The following RPS6KL1 variants were observed in gnomAD, a reference collection of about 807,000 sequenced individuals.
RPS6KL1 encodes the protein ribosomal protein S6 kinase-like 1.
RPS6KL1 carries 41 observed loss-of-function variants against 57.0 expected under a neutral mutation model. The ratio of observed to expected loss-of-function variants is 0.72; its 90% CI spans 0.56 to 0.93. The LOEUF is 0.93. RPS6KL1 is among the 40% of genes least tolerant of loss of function. The pLI is 0.00. For missense variants in RPS6KL1, 697 were observed against 727.7 expected (o/e 0.96, Z 0.49); for synonymous variants, 287 against 309.7 (o/e 0.93, Z 0.77).
rs1010908290 is a variant in RPS6KL1 at position 74,906,231 on chromosome 14, C to T, written c.*783G>A. 3.1e-5 allele frequency: 9 copies of T among 291,212 alleles called. No individual in the cohort carries two copies. Among genetic ancestry groups the T allele is most frequent in the Non-Finnish European group, 6.2e-5 (9 of 145,792 alleles). The allele number at this position is 291,212 out of a possible 1,614,324, so 18.0% of individuals were successfully genotyped here. ...CTCTTGCACCCCTGGGGCAGGCTGC[C>T]CCTCTTCCCCCACACAGGCCCACTG... On this transcript the variant is annotated 3_prime_UTR_variant, in exon 12 of 12. Coordinates refer to ENST00000557413, the MANE Select transcript of RPS6KL1 (RefSeq NM_031464.5).
At position 74,909,566 on chromosome 14, in the gene RPS6KL1, C is replaced by T; in HGVS notation, c.1247G>A (p.Gly416Glu). Reference protein sequence around the residue: ...QGVLCRDLHPGNLLLDQAGHI... With the variant: ...QGVLCRDLHPENLLLDQAGHI... Reference sequence around the variant, plus strand: ...ACCTGCCTGGTCCAGGAGCAGGTTCCCGGGGTGGAGGTCCCGGCACAGCAC... The same window carrying T: ...ACCTGCCTGGTCCAGGAGCAGGTTCTCGGGGTGGAGGTCCCGGCACAGCAC... The change falls in exon 8 of 12, where the codon GGG becomes GAG. Residue 416 changes from glycine (G) to glutamate (E), a missense_variant. Gly to Glu is a moderately conservative substitution (Grantham distance 98). Transcript: ENST00000557413. The T allele has an allele frequency of 6.2e-7, 1 of 1,607,510 alleles. No individual in the cohort carries two copies. Among genetic ancestry groups the T allele is most frequent in the Non-Finnish European group, 8.5e-7 (1 of 1,176,796 alleles).
chr14:74,912,093 T>G (rs1464446262), intron 5 of RPS6KL1, among the ~76,000 whole-genome samples: 1 of 152,186 alleles, frequency 6.6e-6, no homozygotes, highest in East Asian at 1.9e-4. Flanking sequence ...CTGGGGTCCC[T>G]AATCTGCCTC....
intron 10 of RPS6KL1, among the ~76,000 whole-genome samples, 162 bp from the exon 11 acceptor site, chr14:74,907,692 T>G (rs1594900936): frequency 2.0e-5 from 3 of 152,316 alleles, no homozygotes; most frequent in Admixed American, 2.0e-4. Flanking sequence ...AAGCAGTGCC[T>G]TTATGTTATC....
intron 3 of RPS6KL1, 39 bp downstream of exon 3, chr14:74,921,238 T>TGGCCCCC: frequency 6.0e-6 from 5 of 840,176 alleles, no homozygotes; most frequent in Non-Finnish European, 8.2e-6. Context: ...CACTGGCCCT[T>TGGCCCCC]CCCCACCCAC....
At chr14:74,921,683 A>G in intron 2 of RPS6KL1, 122 bp from the exon 3 acceptor site, 1 of 1,451,788 alleles carries the variant, frequency 6.9e-7, no homozygotes. Context: ...AAGGGGTCAG[A>G]GCTAAAGTGG....
In RPS6KL1 at chr14:74,909,936, C is replaced by A. The variant is rs751645602; in HGVS notation, c.877G>T (p.Ala293Ser). 3.7e-6 allele frequency: 6 copies of A among 1,614,018 alleles called. No homozygotes were observed. Among genetic ancestry groups the A allele is most frequent in the East Asian group, 4.5e-5 (2 of 44,890 alleles). Reference protein sequence around the residue: ...TSPNLLLAGEAPSTRPQREAE... With the variant: ...TSPNLLLAGESPSTRPQREAE... ...TCCCTCTGGGGTCTGGTGGATGGGGCCTCCCCAGCTAGGAGAAGGTTCGGA... is the reference window on the plus strand; with the variant it reads ...TCCCTCTGGGGTCTGGTGGATGGGGACTCCCCAGCTAGGAGAAGGTTCGGA... The change falls in exon 8 of 12, where the codon GCC becomes TCC. Residue 293 changes from alanine to serine, a missense_variant. Coordinates refer to ENST00000557413, the MANE Select transcript of RPS6KL1 (RefSeq NM_031464.5).
At chr14:74,918,645 C>CGG in intron 4 of RPS6KL1, 40 bp from the exon 5 acceptor site, 1 of 1,475,134 alleles carries the variant, frequency 6.8e-7, no homozygotes, top group Non-Finnish European at 9.1e-7. Flanking sequence ...GCCTCAGGGC[C>CGG]GAGCCCTCCT....
At position 74,910,126 on chromosome 14, in the gene RPS6KL1, C is replaced by G; in HGVS notation, c.687G>C (p.Leu229=). The part of the protein sequence containing the change: ...HVQGGTLWSH[L]LSQAHSRHSG... ...AATGTCGGGAGTGCGCCTGGGAGAG[C>G]AGGTGGGACCAGAGAGTGCCTCCTG... Residue 229 remains leucine (L), a synonymous_variant, in exon 8 of 12, where the codon CTG becomes CTC. Transcript: ENST00000557413. 4 of 1,553,980 alleles carry G rather than the reference C, an allele frequency of 2.6e-6. No individual in the cohort carries two copies. The highest frequency in any genetic ancestry group is 2.6e-6 in the Non-Finnish European group (3 of 1,153,260).
chr14:74,907,125 C>T lies in RPS6KL1; in HGVS notation c.1540-1G>A. On this transcript the variant is annotated splice_acceptor_variant, in intron 11 of 11. Transcript: ENST00000557413. LOFTEE classifies it high-confidence loss of function. The stretch of plus-strand genomic sequence containing the variant: ...GCCGGGTAGGCTCGAACTGCAGCAG[C>T]TGCAGAGAGAGGCCCAGTCAGCTGG... 2 of 1,607,178 alleles carry T rather than the reference C, an allele frequency of 1.2e-6. No individual in the cohort carries two copies. Among genetic ancestry groups the T allele is most frequent in the Admixed American group, 3.4e-5 (2 of 58,952 alleles).
intron 5 of RPS6KL1, among the ~76,000 whole-genome samples, chr14:74,913,580 A>C (rs1886371439): frequency 6.6e-6 from 1 of 151,592 alleles, no homozygotes; most frequent in Non-Finnish European, 1.5e-5. Flanking sequence ...ACAACAAAAA[A>C]CAAAAAACCA....
chr14:74,909,555 G>T lies in RPS6KL1; in HGVS notation c.1258C>A (p.Leu420Met). Residue 420 changes from leucine to methionine, a missense_variant, in exon 8 of 12, where the codon CTG (leucine) becomes ATG (methionine). Coordinates refer to ENST00000557413, the MANE Select transcript of RPS6KL1 (RefSeq NM_031464.5). The part of the protein sequence containing the change: ...CRDLHPGNLL[L>M]DQAGHIRLTY... ...GGAGGGCACCTACCTGCCTGGTCCAGGAGCAGGTTCCCGGGGTGGAGGTCC... is the reference window on the plus strand; with the variant it reads ...GGAGGGCACCTACCTGCCTGGTCCATGAGCAGGTTCCCGGGGTGGAGGTCC... 6.3e-7 allele frequency: 1 copy of T among 1,599,952 alleles called. No individual in the cohort carries two copies. The highest frequency in any genetic ancestry group is 8.5e-7 in the Non-Finnish European group (1 of 1,172,656).
chr14:74,911,875 G>T, intron 5 of RPS6KL1, 34 bp from the exon 6 acceptor site: 1 of 1,547,010 alleles, frequency 6.5e-7, no homozygotes, highest in Non-Finnish European at 8.7e-7. Flanking sequence ...GTTAAGGCAG[G>T]TACTAGCTCC....
intron 3 of RPS6KL1, 58 bp from the exon 4 acceptor site, chr14:74,920,027 C>G: frequency 6.2e-7 from 1 of 1,608,082 alleles, no homozygotes; most frequent in Non-Finnish European, 8.5e-7. Flanking sequence ...GCTGGAGTTC[C>G]AGCTCCCATT....
Position 74,921,268 on chromosome 14 carries a change from G to A in RPS6KL1, c.265+9C>T, listed in dbSNP as rs758067786. 28 of 574,226 alleles carry A rather than the reference G, an allele frequency of 4.9e-5. No individual in the cohort carries two copies. The highest frequency in any genetic ancestry group is 2.3e-4 in the Admixed American group (9 of 39,812). The allele number at this position is 574,226 out of a possible 1,614,324, so 35.6% of individuals were successfully genotyped here. On this transcript the variant is annotated intron_variant, in intron 3 of 11. Transcript: ENST00000557413. ...ACCCACCCCAGCCCTGCCCAGCCCC[G>A]GTCCTCACCGTGTATGCCACGGAGC...
intron 5 of RPS6KL1, among the ~76,000 whole-genome samples, chr14:74,914,698 C>T (rs1365319763): frequency 6.6e-6 from 1 of 152,230 alleles, no homozygotes; most frequent in African/African-American, 2.4e-5. Context: ...CTGTCTAGTG[C>T]CTTGACTTCT....
chr14:74,916,688 A>G (rs1259184335), intron 5 of RPS6KL1, among the ~76,000 whole-genome samples: 1 of 152,018 alleles, frequency 6.6e-6, no homozygotes, highest in Admixed American at 6.5e-5. Flanking sequence ...GTCAAGAAAA[A>G]AAAAAAATGG....
In RPS6KL1 at chr14:74,909,100, CCTG is replaced by C. The variant is rs752874902; in HGVS notation, c.1358_1360del (p.Pro453_Glu454delinsGln). The stretch of plus-strand genomic sequence containing the variant: ...CCCACCCTGGCCTCCCCCCTTCTTG[CCTG>C]GGGCGCTGTAGAGATTGTCCACGGC... On this transcript the variant is annotated inframe_deletion and splice_region_variant, in exon 9 of 12. Transcript: ENST00000557413. 6 of 1,613,960 alleles carry C rather than the reference CCTG, an allele frequency of 3.7e-6. No individual in the cohort carries two copies. The East Asian group carries it at 1.3e-4, about 36-fold the overall frequency.
In RPS6KL1 at chr14:74,919,424, C is replaced by T. The variant is rs1299130831; in HGVS notation, c.390+421G>A. Among the ~76,000 whole-genome samples, 4 of 152,226 alleles carry T rather than the reference C, an allele frequency of 2.6e-5. No homozygotes were observed. In the East Asian group the frequency reaches 7.7e-4, roughly 29 times the overall value. ...GGGACTGTGTGTGTGCACATACATG[C>T]ACACAGATATGTGTGTGTGCACACA... On this transcript the variant is annotated intron_variant, in intron 4 of 11. Transcript: ENST00000557413.
chr14:74,912,444 C>A (rs1330784234), intron 5 of RPS6KL1, among the ~76,000 whole-genome samples: 1 of 152,064 alleles, frequency 6.6e-6, no homozygotes, highest in Non-Finnish European at 1.5e-5. Context: ...CCAACTGGAC[C>A]TCCAGAGATC....
Sources: allele counts gnomAD v4.1 joint callset (sites outside exome capture counted in the v4.1 genomes callset), GRCh38; gene constraint gnomAD v4.1.1; transcripts MANE v1.5; gene names NCBI Gene and HGNC (gene_info 2026-07-23, HGNC 2026-07-21).